The following CUX1 variants were observed in gnomAD, a reference collection of about 807,000 sequenced individuals.
CUX1 encodes the protein protein CASP.
In CUX1, 31 loss-of-function variants were observed where a neutral mutation model predicts 158.8. That is an observed-to-expected ratio of 0.20 (90% CI 0.15 to 0.26). The LOEUF (loss-of-function observed/expected upper bound fraction) is 0.26, where lower values mean the gene tolerates loss of function less well. Among genes scored for constraint, CUX1 ranks in the 10% least tolerant of loss-of-function variants. The probability of loss-of-function intolerance (pLI) is 1.00; values close to 1 mark genes in which losing one functional copy is unlikely to be tolerated. For synonymous variants in CUX1, 879 were observed against 862.1 expected (o/e 1.02, Z -0.34); for missense variants, 1,589 against 2,014.6 (o/e 0.79, Z 4.04).
intron 2 of CUX1, among the ~76,000 whole-genome samples, chr7:101,932,897 C>G (rs921865678): frequency 1.3e-5 from 2 of 152,182 alleles, no homozygotes; most frequent in African/African-American, 4.8e-5. Flanking sequence ...CTCTTTTTGC[C>G]ACTCTAAGGA....
At chr7:102,227,253 C>T in intron 20 of CUX1, 114 bp from the exon 21 acceptor site, 1 of 902,520 alleles carries the variant, frequency 1.1e-6, no homozygotes, top group Non-Finnish European at 1.7e-6. Context: ...GAAAACCCTA[C>T]CGTCTGCTTC....
At chr7:101,981,826 G>T (rs1813485123) in intron 2 of CUX1, among the ~76,000 whole-genome samples, 1 of 152,148 alleles carries the variant, frequency 6.6e-6, no homozygotes, top group South Asian at 2.1e-4. Flanking sequence ...GGCCAGGCTG[G>T]TTTTGAACTC....
intron 1 of CUX1, among the ~76,000 whole-genome samples, chr7:101,888,790 A>G (rs1326411482): frequency 6.6e-6 from 1 of 151,986 alleles, no homozygotes; most frequent in Non-Finnish European, 1.5e-5. Context: ...GCATTTCACC[A>G]TGATGGCCAG....
intron 10 of CUX1, among the ~76,000 whole-genome samples, chr7:102,175,205 G>A (rs1792174955): frequency 6.6e-6 from 1 of 152,144 alleles, no homozygotes; most frequent in Non-Finnish European, 1.5e-5. Flanking sequence ...CCCACTCTGG[G>A]TCCAGGGACA....
At chr7:102,127,098 C>G (rs1372521304) in intron 8 of CUX1, among the ~76,000 whole-genome samples, 1 of 152,236 alleles carries the variant, frequency 6.6e-6, no homozygotes, top group Non-Finnish European at 1.5e-5. Flanking sequence ...TAAATACAGA[C>G]GAAGCTTCCC....
intron 1 of CUX1, among the ~76,000 whole-genome samples, chr7:101,903,900 A>G (rs377483244): frequency 2.0e-5 from 3 of 152,166 alleles, no homozygotes; most frequent in African/African-American, 7.2e-5. Context: ...AAAGGCTTGT[A>G]GGAAAACTTT....
chr7:102,136,777 C>T (rs548215930), intron 8 of CUX1, among the ~76,000 whole-genome samples: 7 of 152,294 alleles, frequency 4.6e-5, no homozygotes, highest in Admixed American at 3.3e-4. Flanking sequence ...TCATTCTCTT[C>T]CTTTGCTCCA....
At chr7:101,903,486 A>G (rs374454182) in intron 1 of CUX1, among the ~76,000 whole-genome samples, 5 of 152,210 alleles carry the variant, frequency 3.3e-5, no homozygotes, top group African/African-American at 1.2e-4. Context: ...TTTTGAGATA[A>G]CAGCCACAAC....
At chr7:101,845,186 A>G (rs771254017) in intron 1 of CUX1, among the ~76,000 whole-genome samples, 5 of 151,352 alleles carry the variant, frequency 3.3e-5, no homozygotes, top group Admixed American at 6.6e-5. Context: ...GGGTCTCACT[A>G]TGTTGCCCAC....
chr7:102,193,163 A>G (rs1650340386), intron 12 of CUX1, among the ~76,000 whole-genome samples: 1 of 152,206 alleles, frequency 6.6e-6, no homozygotes, highest in Non-Finnish European at 1.5e-5. Context: ...GCCAGTTAGG[A>G]GTGAGGTGTG....
chr7:102,187,724 T>C lies in CUX1; in HGVS notation c.1018-2089T>C, dbSNP rs528192413. On this transcript the variant is annotated intron_variant, in intron 11 of 23. Transcript: ENST00000292535. ...CGGGGTTTCACCATGTTAGCCAGGATGGTCTCAATCTCCTGACCTCATGAT... is the reference window on the plus strand; with the variant it reads ...CGGGGTTTCACCATGTTAGCCAGGACGGTCTCAATCTCCTGACCTCATGAT... Among the ~76,000 whole-genome samples, 10 of 151,800 alleles carry C rather than the reference T, an allele frequency of 6.6e-5. No homozygotes were observed. In the South Asian group the frequency reaches 1.9e-3, roughly 28 times the overall value.
chr7:102,007,870 G>A lies in CUX1; in HGVS notation c.142-20228G>A, dbSNP rs2129289594. ...AGCGATTCTACTGTCTCAGCCTCCT[G>A]AGTAGCTGGGACTACAGGCACCCGC... On this transcript the variant is annotated intron_variant, in intron 2 of 23. Transcript: ENST00000292535. Among the ~76,000 whole-genome samples the A allele has an allele frequency of 1.3e-5, 2 of 151,838 alleles. 1 individual carries two copies. The highest frequency in any genetic ancestry group is 4.2e-4 in the South Asian group (2 of 4,790).
At chr7:101,816,196 C>A, upstream of CUX1, 1 of 384,314 alleles carries the variant, frequency 2.6e-6, no homozygotes, top group Non-Finnish European at 3.5e-6. Flanking sequence ...GGGGGGCCCG[C>A]GGCGGCGGGG....
chr7:102,048,765 G>A (rs2130003150), intron 3 of CUX1, among the ~76,000 whole-genome samples: 1 of 152,276 alleles, frequency 6.6e-6, no homozygotes, highest in East Asian at 1.9e-4. Context: ...GGAGGCAGAG[G>A]TTGCCATGAA....
In CUX1 at chr7:102,252,604, C is replaced by T. The variant is rs1801631753; in HGVS notation, c.*3562C>T. On this transcript the variant is annotated 3_prime_UTR_variant, in exon 24 of 24. Coordinates refer to ENST00000292535, the MANE Select transcript of CUX1 (RefSeq NM_181552.4). Reference sequence around the variant, plus strand: ...AGGCTCGGGGTAAAATCAGTGTTTGCATTTAGCCTCTTGACCCGGAGTTCC... The same window carrying T: ...AGGCTCGGGGTAAAATCAGTGTTTGTATTTAGCCTCTTGACCCGGAGTTCC... The T allele has an allele frequency of 1.0e-6, 1 of 985,328 alleles. No individual in the cohort carries two copies. The highest frequency in any genetic ancestry group is 1.7e-5 in the African/African-American group (1 of 57,240). The allele number at this position is 985,328 out of a possible 1,614,324, so 61.0% of individuals were successfully genotyped here.
chr7:101,919,191 A>G (rs966450139), intron 2 of CUX1, among the ~76,000 whole-genome samples: 3 of 152,030 alleles, frequency 2.0e-5, no homozygotes, highest in African/African-American at 7.3e-5. Context: ...GTTCCCTGTG[A>G]CAGCAGGTGT....
chr7:102,222,307 G>A (rs1236842699), intron 20 of CUX1, among the ~76,000 whole-genome samples: 3 of 152,038 alleles, frequency 2.0e-5, no homozygotes, highest in African/African-American at 7.2e-5. Context: ...GTGAAATGAC[G>A]CAGGAATGAC....
chr7:102,257,368 C>T lies in CUX1; in HGVS notation c.*8326C>T. ...TTTCTCTCTCTCAAACCATCTTCTG[C>T]CTCTTCCCTTGAGAAAACGGGCATC... On this transcript the variant is annotated 3_prime_UTR_variant, in exon 24 of 24. Transcript: ENST00000292535. 1.0e-6 allele frequency: 1 copy of T among 984,596 alleles called. No individual in the cohort carries two copies. Among genetic ancestry groups the T allele is most frequent in the Non-Finnish European group, 1.2e-6 (1 of 829,768 alleles). The allele number at this position is 984,596 out of a possible 1,614,324, so 61.0% of individuals were successfully genotyped here.
At chr7:102,177,408 T>C (rs770875572) in intron 10 of CUX1, among the ~76,000 whole-genome samples, 5 of 139,994 alleles carry the variant, frequency 3.6e-5, no homozygotes, top group Non-Finnish European at 7.6e-5. Flanking sequence ...ACCAAAACTC[T>C]ATCTCAAAAA....
Sources: gnomAD v4.1 joint callset for allele counts (sites outside exome capture counted in the v4.1 genomes callset) on GRCh38, gnomAD v4.1.1 for gene constraint, MANE v1.5 for transcripts, NCBI Gene and HGNC (gene_info 2026-07-23, HGNC 2026-07-21) for gene names.